The following STOX2 variants were observed in gnomAD, a reference collection of about 807,000 sequenced individuals.
STOX2 encodes the protein storkhead-box protein 2.
In STOX2, 28 loss-of-function variants were observed where a neutral mutation model predicts 60.9. The ratio of observed to expected loss-of-function variants is 0.46; its 90% CI spans 0.34 to 0.63. The LOEUF (loss-of-function observed/expected upper bound fraction) is 0.63, where lower values mean the gene tolerates loss of function less well. Ranked by LOEUF, STOX2 falls within the 30% of genes least tolerant of loss-of-function variation. The pLI is 0.01. For missense variants in STOX2, 1,024 were observed against 1,187.7 expected, an observed-to-expected ratio of 0.86 and a Z score of 2.03; for synonymous variants, 472 against 463.9, an observed-to-expected ratio of 1.02 and a Z score of -0.22.
intron 2 of STOX2, among the ~76,000 whole-genome samples, chr4:184,002,461 C>G (rs572738690): frequency 6.6e-6 from 1 of 152,226 alleles, no homozygotes; most frequent in Non-Finnish European, 1.5e-5. Context: ...TACAGAACAT[C>G]AAAGGCCTAC....
At chr4:183,983,498 C>T (rs1026269945) in intron 1 of STOX2, among the ~76,000 whole-genome samples, 2 of 152,218 alleles carry the variant, frequency 1.3e-5, no homozygotes, top group African/African-American at 4.8e-5. Flanking sequence ...TGTTTTCTCC[C>T]CGACTGGTGC....
intron 1 of STOX2, among the ~76,000 whole-genome samples, chr4:183,927,590 G>A (rs1462324308): frequency 1.3e-5 from 2 of 151,988 alleles, no homozygotes; most frequent in African/African-American, 4.8e-5. Context: ...TAAATAGTGT[G>A]TTTAAAATAG....
At chr4:183,928,156 A>G (rs1742299258) in intron 1 of STOX2, among the ~76,000 whole-genome samples, 1 of 151,972 alleles carries the variant, frequency 6.6e-6, no homozygotes, top group Non-Finnish European at 1.5e-5. Context: ...ATTGGTGTTC[A>G]GTTTAGGTCA....
chr4:183,961,389 A>C (rs529523609), intron 1 of STOX2, among the ~76,000 whole-genome samples: 29 of 148,428 alleles, frequency 2.0e-4, no homozygotes, highest in African/African-American at 7.1e-4. Flanking sequence ...GCTGCTGCAT[A>C]GAACGGTGGA....
chr4:183,871,813 C>T (rs111909162), intron 1 of STOX2, among the ~76,000 whole-genome samples: 4 of 151,770 alleles, frequency 2.6e-5, no homozygotes, highest in South Asian at 4.2e-4. Context: ...TCTGACAGAC[C>T]GTGAGCTCTT....
chr4:183,988,393 C>T (rs1732941721), intron 1 of STOX2: 1 of 151,912 alleles, frequency 6.6e-6, no homozygotes, highest in African/African-American at 2.4e-5. Flanking sequence ...CTGTTCCATG[C>T]AAATAGGATA....
intron 3 of STOX2, chr4:184,014,349 A>G (rs1734280538): frequency 6.6e-6 from 1 of 152,204 alleles, no homozygotes; most frequent in Admixed American, 6.5e-5. Context: ...GATTTCAAAT[A>G]TGAGGCCTAA....
rs200166663 is a variant in STOX2, at chr4:184,017,153, G to C, written c.2650G>C (p.Ala884Pro). Residue 884 changes from alanine to proline, a missense_variant, in exon 4 of 4, where the codon GCT becomes CCT. This residue lies in a region of STOX2 where 922 missense variants were observed against 1,058.3 expected (regional missense o/e 0.87). Coordinates refer to ENST00000308497, the MANE Select transcript of STOX2 (RefSeq NM_020225.3). ...TGAAAGTAACCGTCGTCAGAACCCC[G>C]CTTTGAGCCCGGCCCATGGTGGAGC... is the stretch of plus-strand genomic sequence containing the variant. ...IVESNRRQNP[A>P]LSPAHGGAGP... The C allele has an allele frequency of 6.2e-7, 1 of 1,613,734 alleles. No individual in the cohort carries two copies. The highest frequency in any genetic ancestry group is 1.7e-5 in the Admixed American group (1 of 59,992).
chr4:183,963,478 G>A lies in STOX2; in HGVS notation c.167-37847G>A, dbSNP rs546212717. On this transcript the variant is annotated intron_variant, in intron 1 of 3. Transcript: ENST00000308497. ...GTCTTGCACTGTCACCCAGGCTGGA[G>A]TGCAATGGTGTGATCTCTGCTCACT... 6.3e-4 allele frequency among the ~76,000 whole-genome samples: 95 copies of A among 151,282 alleles called. 1 individual carries two copies. Among genetic ancestry groups the A allele is most frequent in the Non-Finnish European group, 1.1e-3 (73 of 67,870 alleles).
At chr4:183,902,661 A>C (rs1424040018), upstream of STOX2, among the ~76,000 whole-genome samples, 1 of 152,220 alleles carries the variant, frequency 6.6e-6, no homozygotes, top group Non-Finnish European at 1.5e-5. Flanking sequence ...TGATTTTAAT[A>C]GTGGCTATAG....
At chr4:183,988,939 G>A (rs1046172101) in intron 1 of STOX2, among the ~76,000 whole-genome samples, 3 of 152,082 alleles carry the variant, frequency 2.0e-5, no homozygotes, top group Non-Finnish European at 2.9e-5. Flanking sequence ...CGCTCCTCCC[G>A]CAGCCTCAAT....
intron 2 of STOX2, among the ~76,000 whole-genome samples, chr4:184,006,865 A>G (rs1364575167): frequency 6.6e-6 from 1 of 150,748 alleles, no homozygotes; most frequent in Admixed American, 6.6e-5. Flanking sequence ...AAATACAAAA[A>G]ATTAGCTGGG....
chr4:183,917,443 G>A (rs75866433), intron 1 of STOX2, among the ~76,000 whole-genome samples: 8 of 152,196 alleles, frequency 5.3e-5, no homozygotes, highest in Admixed American at 3.3e-4. Flanking sequence ...TTCACCAAAC[G>A]TCTAAGATAA....
rs1739311187 is a variant in STOX2, at chr4:183,821,851, G to T, written c.364+23796G>T. Among the ~76,000 whole-genome samples, 1 of 152,222 alleles carries T rather than the reference G, an allele frequency of 6.6e-6. No homozygotes were observed. Among genetic ancestry groups the T allele is most frequent in the Admixed American group, 6.5e-5 (1 of 15,290 alleles). Reference sequence around the variant, plus strand: ...CTGCCCCAGGTTTGTGAGTCTGTAGGGTGGGGTTCTAGTCACAGAGTTGGA... The same window carrying T: ...CTGCCCCAGGTTTGTGAGTCTGTAGTGTGGGGTTCTAGTCACAGAGTTGGA... On this transcript the variant is annotated intron_variant, in intron 1 of 2. Transcript: ENST00000513034. The surrounding 1 kb of genome is among the most constrained non-coding windows in gnomAD (Gnocchi z 4.2).
At chr4:183,997,860 C>G (rs1725508931) in intron 1 of STOX2, among the ~76,000 whole-genome samples, 1 of 152,100 alleles carries the variant, frequency 6.6e-6, no homozygotes, top group Non-Finnish European at 1.5e-5. Flanking sequence ...CTGAGCTTTT[C>G]CAAAGTAAAT....
rs146662893 is a variant in STOX2 at position 183,943,141 on chromosome 4, A to T, written c.166+36185A>T. Among the ~76,000 whole-genome samples, 543 of 152,348 alleles carry T rather than the reference A, an allele frequency of 3.6e-3. 14 individuals are homozygous for T. The highest frequency in any genetic ancestry group is 0.024 in the Admixed American group (368 of 15,298). ...AACACTGACATAATTAAATATATTT[A>T]GTCATTTAATTCTCATTAATTTTGG... On this transcript the variant is annotated intron_variant, in intron 1 of 3. Transcript: ENST00000308497.
chr4:183,845,266 A>C (rs1739960114), intron 1 of STOX2, among the ~76,000 whole-genome samples: 1 of 152,186 alleles, frequency 6.6e-6, no homozygotes, highest in Non-Finnish European at 1.5e-5. Flanking sequence ...GGATGGATGG[A>C]CTGTGCACTT....
intron 1 of STOX2, among the ~76,000 whole-genome samples, chr4:183,863,893 C>T (rs76690296): frequency 0.014 from 2,073 of 152,296 alleles, 51 homozygotes; most frequent in African/African-American, 0.047. Flanking sequence ...GTTCACAGAA[C>T]CACTGAGCTC....
At chr4:183,916,558 G>A (rs1741936846) in intron 1 of STOX2, among the ~76,000 whole-genome samples, 1 of 152,138 alleles carries the variant, frequency 6.6e-6, no homozygotes, top group Admixed American at 6.5e-5. Flanking sequence ...TGGTACAATG[G>A]AAGCATTATA....
Sources: allele counts gnomAD v4.1 joint callset (sites outside exome capture counted in the v4.1 genomes callset), GRCh38; gene constraint gnomAD v4.1.1; regional missense constraint gnomAD v4.1.1; non-coding constraint Gnocchi (gnomAD v3.1); transcripts MANE v1.5; gene names NCBI Gene and HGNC (gene_info 2026-07-23, HGNC 2026-07-21).